Variants in TAB2 observed in about 807,000 individuals in gnomAD.
TAB2 encodes the protein TGF-beta-activated kinase 1 and MAP3K7-binding protein 2.
In TAB2, 3 loss-of-function variants were observed where a neutral mutation model predicts 65.0. That is an observed-to-expected ratio of 0.05 (90% CI 0.02 to 0.12). TAB2 has a LOEUF of 0.12. Among genes scored for constraint, TAB2 ranks in the 10% least tolerant of loss-of-function variants. TAB2 has a pLI of 1.00. For missense variants in TAB2, 623 were observed against 840.3 expected (o/e 0.74, Z 3.20); for synonymous variants, 298 against 285.1 (o/e 1.05, Z -0.46).
At chr6:149,336,874 C>A (rs941405608) in intron 1 of TAB2, among the ~76,000 whole-genome samples, 4 of 151,740 alleles carry the variant, frequency 2.6e-5, no homozygotes, top group African/African-American at 9.7e-5. Flanking sequence ...ATCTGCAAGA[C>A]CCTGAAGGGA....
In TAB2 at chr6:149,327,119, T is replaced by C. The variant is rs146743526; in HGVS notation, c.-90+9104T>C. On this transcript the variant is annotated intron_variant, in intron 1 of 6. Transcript: ENST00000637181. ...TGGTACAAAGCCTATTATACAGATA[T>C]TTGCTTCCACATTCTTGATATCCTA... Among the ~76,000 whole-genome samples the C allele has an allele frequency of 6.6e-3, 1,002 of 152,312 alleles. 14 individuals carry two copies. The highest frequency in any genetic ancestry group is 0.022 in the African/African-American group (909 of 41,576).
At chr6:149,294,307 C>A (rs561079445) in intron 1 of TAB2, among the ~76,000 whole-genome samples, 2 of 152,160 alleles carry the variant, frequency 1.3e-5, no homozygotes, top group Non-Finnish European at 2.9e-5. Flanking sequence ...GTCTTCTCCC[C>A]GTATCTTCAC....
intron 1 of TAB2, among the ~76,000 whole-genome samples, chr6:149,219,406 A>G (rs1777094530): frequency 6.6e-6 from 1 of 151,916 alleles, no homozygotes; most frequent in South Asian, 2.1e-4. Context: ...ATGTGTTATT[A>G]CCCCATTTTA....
intron 1 of TAB2, among the ~76,000 whole-genome samples, chr6:149,226,362 A>G (rs1183436948): frequency 6.6e-6 from 1 of 152,188 alleles, no homozygotes; most frequent in African/African-American, 2.4e-5. Context: ...ACGTGGTCCT[A>G]TTAGTCCTCG....
chr6:149,279,853 C>G (rs182982014), intron 1 of TAB2, among the ~76,000 whole-genome samples: 2,452 of 152,210 alleles, frequency 0.016, 74 homozygotes, highest in African/African-American at 0.056. Context: ...CTTATCAAAA[C>G]CTATTTCCCC....
At chr6:149,297,576 G>C (rs1169986207) in intron 1 of TAB2, among the ~76,000 whole-genome samples, 3 of 152,110 alleles carry the variant, frequency 2.0e-5, no homozygotes, top group African/African-American at 7.2e-5. Context: ...ACCAACCTAA[G>C]TGCAGTGGCA....
intron 1 of TAB2, among the ~76,000 whole-genome samples, chr6:149,294,632 G>A (rs557686210): frequency 8.5e-5 from 13 of 152,198 alleles, no homozygotes; most frequent in South Asian, 4.2e-4. Context: ...CTAATTCCAC[G>A]GTCATGTATA....
chr6:149,351,295 A>G (rs1161158805), intron 1 of TAB2, among the ~76,000 whole-genome samples: 2 of 152,156 alleles, frequency 1.3e-5, no homozygotes, highest in Non-Finnish European at 2.9e-5. Flanking sequence ...TAAAGGCTCA[A>G]TCCACTCCTA....
intron 1 of TAB2, among the ~76,000 whole-genome samples, chr6:149,222,487 G>A (rs1777169338): frequency 6.6e-6 from 1 of 151,980 alleles, no homozygotes; most frequent in African/African-American, 2.4e-5. Flanking sequence ...GCATGGTGGT[G>A]GGCACCTGTG....
chr6:149,381,884 C>A (rs1227956470), intron 3 of TAB2, among the ~76,000 whole-genome samples: 2 of 152,076 alleles, frequency 1.3e-5, no homozygotes, highest in African/African-American at 4.8e-5. Flanking sequence ...TGACTTCTTA[C>A]TTCCCCCATC....
intron 6 of TAB2, among the ~76,000 whole-genome samples, chr6:149,404,867 G>A (rs1782611264): frequency 6.6e-6 from 1 of 152,134 alleles, no homozygotes; most frequent in Non-Finnish European, 1.5e-5. Context: ...ATGATAGTTT[G>A]GATATGACAC....
At chr6:149,354,669 C>T (rs2041032034) in intron 1 of TAB2, among the ~76,000 whole-genome samples, 1 of 152,116 alleles carries the variant, frequency 6.6e-6, no homozygotes, top group Non-Finnish European at 1.5e-5. Flanking sequence ...ATTCTGTGCA[C>T]GTAAAAGCGT....
At chr6:149,309,403 CTTT>C (rs565648269) in intron 1 of TAB2, among the ~76,000 whole-genome samples, 7 of 141,122 alleles carry the variant, frequency 5.0e-5, no homozygotes, top group Admixed American at 2.1e-4. Flanking sequence ...AATAATTCCT[CTTT>C]TTTTTTTTTT....
At chr6:149,282,726 A>G (rs1050034552) in intron 1 of TAB2, among the ~76,000 whole-genome samples, 1 of 152,230 alleles carries the variant, frequency 6.6e-6, no homozygotes, top group Non-Finnish European at 1.5e-5. Context: ...AGTCAGAACA[A>G]ATATGAATTC....
At chr6:149,311,238 A>G (rs983724704) in intron 1 of TAB2, among the ~76,000 whole-genome samples, 1 of 152,146 alleles carries the variant, frequency 6.6e-6, no homozygotes, top group Non-Finnish European at 1.5e-5. Context: ...AATATGCTCT[A>G]TCTTTTCTGA....
intron 1 of TAB2, among the ~76,000 whole-genome samples, chr6:149,343,830 A>G (rs1383245657): frequency 6.6e-6 from 1 of 152,190 alleles, no homozygotes; most frequent in Non-Finnish European, 1.5e-5. Flanking sequence ...ATGTAGAAAC[A>G]GAATTAATCC....
At chr6:149,262,756 C>G (rs560149098) in intron 1 of TAB2, among the ~76,000 whole-genome samples, 1 of 152,220 alleles carries the variant, frequency 6.6e-6, no homozygotes, top group African/African-American at 2.4e-5. Flanking sequence ...CCAAGAGAAA[C>G]TTAATATTTA....
intron 1 of TAB2, among the ~76,000 whole-genome samples, chr6:149,277,660 T>C (rs922066808): frequency 6.6e-6 from 1 of 152,182 alleles, no homozygotes; most frequent in Non-Finnish European, 1.5e-5. Flanking sequence ...GGTACTATAA[T>C]ACCTATTCAA....
chr6:149,279,288 A>G (rs563240774), intron 1 of TAB2, among the ~76,000 whole-genome samples: 1 of 151,380 alleles, frequency 6.6e-6, no homozygotes, highest in African/African-American at 2.4e-5. Flanking sequence ...GTCTTTCTCC[A>G]CTCCTACCTC....
Sources: allele counts gnomAD v4.1 joint callset (sites outside exome capture counted in the v4.1 genomes callset), GRCh38; gene constraint gnomAD v4.1.1; transcripts MANE v1.5; gene names NCBI Gene and HGNC (gene_info 2026-07-23, HGNC 2026-07-21).